RAD51B: variants seen among roughly 807,000 people sequenced by gnomAD.
The protein encoded by RAD51B is DNA repair protein RAD51 homolog 2.
A neutral mutation model predicts 42.2 loss-of-function variants in RAD51B; 38 were observed. That is an observed-to-expected ratio of 0.90 (90% confidence interval 0.70 to 1.18). The LOEUF (loss-of-function observed/expected upper bound fraction) is 1.18. Ranked by LOEUF, RAD51B falls within the 50% of genes most tolerant of loss-of-function variation. RAD51B has a pLI of 0.00. For missense variants in RAD51B, 373 were observed against 400.7 expected (o/e 0.93, Z 0.59); for synonymous variants, 154 against 145.2 (o/e 1.06, Z -0.43).
At chr14:68,391,758 C>G (rs144284451) in intron 8 of RAD51B, among the ~76,000 whole-genome samples, 1 of 152,100 alleles carries the variant, frequency 6.6e-6, no homozygotes, top group Admixed American at 6.5e-5. Flanking sequence ...CTTGTTGACT[C>G]AGTTCCCATG....
At chr14:68,384,694 G>A (rs1032555486) in intron 8 of RAD51B, among the ~76,000 whole-genome samples, 6 of 152,162 alleles carry the variant, frequency 3.9e-5, no homozygotes, top group Non-Finnish European at 2.9e-5. Flanking sequence ...TTTCATTTCC[G>A]AGTTGCAAGT....
chr14:67,958,076 C>T (rs2074586756), intron 7 of RAD51B, among the ~76,000 whole-genome samples: 1 of 152,140 alleles, frequency 6.6e-6, no homozygotes, highest in Admixed American at 6.5e-5. Flanking sequence ...TATTTCTGGG[C>T]TAATGGCAGC....
chr14:68,638,476 C>G (rs2140128259), intron 10 of RAD51B, among the ~76,000 whole-genome samples: 1 of 152,252 alleles, frequency 6.6e-6, no homozygotes, highest in Middle Eastern at 3.4e-3. Context: ...AAAGGTCACA[C>G]AGTTAGCCCT....
intron 7 of RAD51B, among the ~76,000 whole-genome samples, chr14:67,904,834 A>T (rs1333020545): frequency 6.6e-6 from 1 of 151,622 alleles, no homozygotes; most frequent in Non-Finnish European, 1.5e-5. Context: ...TAAGATACAT[A>T]GTTTGCAAAT....
chr14:68,147,239 G>A (rs544700128), intron 7 of RAD51B, among the ~76,000 whole-genome samples: 3 of 152,270 alleles, frequency 2.0e-5, no homozygotes, highest in Non-Finnish European at 4.4e-5. Flanking sequence ...ATGTGTTTCT[G>A]TACTTTTCTT....
chr14:68,660,347 C>A (rs1892907350), intron 11 of RAD51B, among the ~76,000 whole-genome samples: 1 of 152,184 alleles, frequency 6.6e-6, no homozygotes, highest in Non-Finnish European at 1.5e-5. Context: ...GCAAAATATG[C>A]TGGTTGAATG....
chr14:68,015,579 T>C (rs1285566188), intron 7 of RAD51B, among the ~76,000 whole-genome samples: 6 of 152,130 alleles, frequency 3.9e-5, no homozygotes, highest in African/African-American at 7.2e-5. Context: ...AACTGCCCTT[T>C]ATAAAACCAT....
intron 8 of RAD51B, among the ~76,000 whole-genome samples, chr14:68,309,401 G>A (rs112447946): frequency 2.0e-5 from 3 of 152,108 alleles, no homozygotes; most frequent in African/African-American, 4.8e-5. Context: ...TCACCATCAC[G>A]ACTCAAGGAT....
downstream of RAD51B, among the ~76,000 whole-genome samples, chr14:68,480,182 C>T (rs1483958800): frequency 1.3e-5 from 2 of 152,136 alleles, no homozygotes; most frequent in Non-Finnish European, 2.9e-5. Context: ...AAGCAATTCT[C>T]CTGCCTCAGC....
At chr14:68,298,560 C>T (rs2081657511) in intron 8 of RAD51B, among the ~76,000 whole-genome samples, 1 of 152,206 alleles carries the variant, frequency 6.6e-6, no homozygotes. Context: ...AATCTTTTTA[C>T]CGTCTAGAAT....
At chr14:68,143,347 T>C (rs1252947130) in intron 7 of RAD51B, among the ~76,000 whole-genome samples, 1 of 152,182 alleles carries the variant, frequency 6.6e-6, no homozygotes, top group African/African-American at 2.4e-5. Flanking sequence ...TGGAAGGAAA[T>C]GATACATGGC....
intron 10 of RAD51B, among the ~76,000 whole-genome samples, chr14:68,519,209 T>G (rs1018477966): frequency 2.6e-5 from 4 of 152,204 alleles, no homozygotes; most frequent in African/African-American, 9.6e-5. Context: ...CTATTGTCAC[T>G]CAAAGTATGA....
chr14:68,423,366 C>T (rs1348343594), intron 9 of RAD51B, among the ~76,000 whole-genome samples: 1 of 152,202 alleles, frequency 6.6e-6, no homozygotes, highest in Non-Finnish European at 1.5e-5. Flanking sequence ...TGAGTTGATT[C>T]ATCCATTTAT....
At chr14:68,060,810 C>T (rs2076555273) in intron 7 of RAD51B, among the ~76,000 whole-genome samples, 1 of 152,064 alleles carries the variant, frequency 6.6e-6, no homozygotes, top group Non-Finnish European at 1.5e-5. Context: ...AATATTTTTC[C>T]CAGCACCATT....
intron 10 of RAD51B, among the ~76,000 whole-genome samples, chr14:68,495,607 G>A (rs147072944): frequency 8.8e-4 from 132 of 150,522 alleles, no homozygotes; most frequent in African/African-American, 3.0e-3. Context: ...GCGCGTAGAA[G>A]TGGTAACTGA....
chr14:68,023,083 G>A (rs1005785656), intron 7 of RAD51B, among the ~76,000 whole-genome samples: 1 of 152,098 alleles, frequency 6.6e-6, no homozygotes, highest in Non-Finnish European at 1.5e-5. Flanking sequence ...TTGATTCCAT[G>A]TCTTTGCTAT....
intron 7 of RAD51B, among the ~76,000 whole-genome samples, chr14:68,244,792 G>A (rs1222579979): frequency 6.6e-6 from 1 of 152,170 alleles, no homozygotes; most frequent in East Asian, 1.9e-4. Flanking sequence ...AATGCCTTTG[G>A]TCACACTGCA....
chr14:68,535,195 A>C (rs1377665430), intron 10 of RAD51B, among the ~76,000 whole-genome samples: 1 of 152,184 alleles, frequency 6.6e-6, no homozygotes, highest in African/African-American at 2.4e-5. Context: ...AAGACCAAGG[A>C]GGCTAGACCT....
At chr14:68,356,434 C>CAAAAA (rs55768026) in intron 8 of RAD51B, among the ~76,000 whole-genome samples, 1 of 106,404 alleles carries the variant, frequency 9.4e-6, no homozygotes, top group African/African-American at 3.5e-5. Context: ...GACTCCGTCT[C>CAAAAA]AAAAAAAAAA....
Sources: allele counts gnomAD v4.1 joint callset (sites outside exome capture counted in the v4.1 genomes callset), GRCh38; gene constraint gnomAD v4.1.1; transcripts MANE v1.5; gene names NCBI Gene and HGNC (gene_info 2026-07-23, HGNC 2026-07-21).